Variants in REC114 observed in about 807,000 individuals in gnomAD.
REC114 encodes meiotic recombination protein REC114.
A neutral mutation model predicts 31.3 loss-of-function variants in REC114; 27 were observed. The observed-to-expected ratio is 0.86, with a 90% CI of 0.64 to 1.19. The LOEUF is 1.19. REC114 is among the 50% of genes most tolerant of loss of function. The pLI, the probability that REC114 is intolerant of heterozygous loss-of-function variation, is 0.00. For missense variants in REC114, 344 were observed against 326.9 expected, an observed-to-expected ratio of 1.05 and a Z score of -0.40; for synonymous variants, 134 against 127.7, an observed-to-expected ratio of 1.05 and a Z score of -0.33.
chr15:73,544,926 C>CCT (rs1466280320), intron 3 of REC114, among the ~76,000 whole-genome samples: 1 of 152,088 alleles, frequency 6.6e-6, no homozygotes, highest in African/African-American at 2.4e-5. Flanking sequence ...TTTTATGAGG[C>CCT]CTCTAGTGTC....
rs138404897 is a variant in REC114 at position 73,451,684 on chromosome 15, C to T, written c.159+8340C>T. The stretch of plus-strand genomic sequence containing the variant: ...CCTGGCAGAGACACAACAAAAAAAA[C>T]GAAAATTTCAGGCCAATATCCCTGA... On this transcript the variant is annotated intron_variant, in intron 1 of 5. Transcript: ENST00000331090. Among the ~76,000 whole-genome samples, 725 of 151,980 alleles carry T rather than the reference C, an allele frequency of 4.8e-3. 8 individuals carry two copies. The highest frequency in any genetic ancestry group is 0.017 in the African/African-American group (694 of 41,484).
chr15:73,510,757 G>A (rs1454972637), intron 2 of REC114, among the ~76,000 whole-genome samples: 1,493 of 133,602 alleles, frequency 0.011, no homozygotes, highest in African/African-American at 0.025. Flanking sequence ...ATTGATTTGC[G>A]TATATTGAAC....
At chr15:73,529,143 ATT>A (rs202242039) in intron 2 of REC114, among the ~76,000 whole-genome samples, 1 of 146,162 alleles carries the variant, frequency 6.8e-6, no homozygotes, top group Admixed American at 6.8e-5. Context: ...TATTTATTTT[ATT>A]TTTTTTTTTG....
chr15:73,551,462 A>G (rs1427246264), intron 4 of REC114, among the ~76,000 whole-genome samples: 2 of 152,144 alleles, frequency 1.3e-5, no homozygotes, highest in African/African-American at 4.8e-5. Flanking sequence ...ATATTTAAAG[A>G]AAGAGTATCA....
chr15:73,505,976 C>T (rs1003445650), intron 2 of REC114, among the ~76,000 whole-genome samples: 5 of 152,094 alleles, frequency 3.3e-5, no homozygotes, highest in African/African-American at 4.8e-5. Flanking sequence ...GAAGAGGGCA[C>T]GCCTGCACGT....
intron 2 of REC114, among the ~76,000 whole-genome samples, chr15:73,518,619 A>G (rs930049124): frequency 1.3e-5 from 2 of 152,230 alleles, no homozygotes; most frequent in Non-Finnish European, 2.9e-5. Context: ...GAGGTGGGCC[A>G]GGTGAAAAGT....
intron 3 of REC114, among the ~76,000 whole-genome samples, chr15:73,543,865 A>G (rs1894273578): frequency 6.7e-6 from 1 of 148,276 alleles, no homozygotes; most frequent in Non-Finnish European, 1.5e-5. Flanking sequence ...TCATAGGGTT[A>G]TAGTATCTTT....
At chr15:73,445,397 G>A (rs1320284933) in intron 1 of REC114, among the ~76,000 whole-genome samples, 1 of 152,156 alleles carries the variant, frequency 6.6e-6, no homozygotes, top group Non-Finnish European at 1.5e-5. Flanking sequence ...TTCCATTTCA[G>A]CAATAAGGCT....
chr15:73,500,857 A>G (rs1461099698), intron 2 of REC114, among the ~76,000 whole-genome samples: 1 of 151,330 alleles, frequency 6.6e-6, no homozygotes, highest in African/African-American at 2.4e-5. Context: ...TATAAATAGC[A>G]TTTGATCTTT....
At chr15:73,448,396 G>A (rs190830879) in intron 1 of REC114, among the ~76,000 whole-genome samples, 7 of 152,298 alleles carry the variant, frequency 4.6e-5, no homozygotes, top group Admixed American at 1.3e-4. Context: ...GTTTGAACTG[G>A]GTGGAGCCCA....
At chr15:73,487,102 T>G (rs1893381594) in intron 2 of REC114, among the ~76,000 whole-genome samples, 1 of 152,238 alleles carries the variant, frequency 6.6e-6, no homozygotes, top group African/African-American at 2.4e-5. Context: ...CCTCATGACT[T>G]AATCACCTCT....
intron 5 of REC114, among the ~76,000 whole-genome samples, chr15:73,558,376 A>T (rs1316200788): frequency 2.0e-5 from 3 of 152,200 alleles, no homozygotes; most frequent in Non-Finnish European, 4.4e-5. Flanking sequence ...ACCACACAGA[A>T]CTGGAGCCCA....
intron 2 of REC114, among the ~76,000 whole-genome samples, chr15:73,477,590 A>G (rs998006086): frequency 1.3e-5 from 2 of 151,946 alleles, no homozygotes; most frequent in Non-Finnish European, 2.9e-5. Context: ...CTAATTTGTT[A>G]TAGTTTTTGT....
intron 2 of REC114, among the ~76,000 whole-genome samples, chr15:73,495,767 C>T (rs1051088670): frequency 2.0e-5 from 3 of 151,994 alleles, no homozygotes; most frequent in Non-Finnish European, 4.4e-5. Flanking sequence ...ATTAGCTTTA[C>T]TTGGATTCCT....
chr15:73,521,733 T>A (rs1893938037), intron 2 of REC114, among the ~76,000 whole-genome samples: 1 of 152,166 alleles, frequency 6.6e-6, no homozygotes, highest in South Asian at 2.1e-4. Context: ...ACAAATTTCT[T>A]GAAAAATACA....
intron 2 of REC114, among the ~76,000 whole-genome samples, chr15:73,502,010 G>A (rs1296143018): frequency 1.3e-5 from 2 of 152,106 alleles, no homozygotes; most frequent in Non-Finnish European, 2.9e-5. Context: ...AGAGTTATGA[G>A]CTGGGCACAG....
At chr15:73,509,100 G>A (rs1893725615) in intron 2 of REC114, among the ~76,000 whole-genome samples, 1 of 152,068 alleles carries the variant, frequency 6.6e-6, no homozygotes, top group Non-Finnish European at 1.5e-5. Flanking sequence ...ATCCTCTCCA[G>A]CACCTGTTGT....
At chr15:73,521,143 C>A (rs1002033395) in intron 2 of REC114, among the ~76,000 whole-genome samples, 2 of 152,150 alleles carry the variant, frequency 1.3e-5, no homozygotes, top group Non-Finnish European at 2.9e-5. Flanking sequence ...ATTAAAAATA[C>A]TTAAGAAACG....
intron 2 of REC114, among the ~76,000 whole-genome samples, chr15:73,488,508 C>T (rs2141301181): frequency 6.6e-6 from 1 of 152,284 alleles, no homozygotes; most frequent in African/African-American, 2.4e-5. Context: ...GAGTATTTTG[C>T]TCAGAGATTT....
Sources: allele counts gnomAD v4.1 joint callset (sites outside exome capture counted in the v4.1 genomes callset), GRCh38; gene constraint gnomAD v4.1.1; transcripts MANE v1.5; gene names NCBI Gene and HGNC (gene_info 2026-07-23, HGNC 2026-07-21).